HDAC4: variants seen among roughly 807,000 people sequenced by gnomAD.
HDAC4 encodes the protein histone deacetylase 4, also known as histone deacetylase A.
HDAC4 carries 16 observed loss-of-function variants against 135.1 expected under a neutral mutation model. That is an observed-to-expected ratio of 0.12 (90% CI 0.08 to 0.18). HDAC4 has a LOEUF of 0.18. Ranked by LOEUF, HDAC4 falls within the 10% of genes least tolerant of loss-of-function variation. HDAC4 has a pLI of 1.00. For synonymous variants in HDAC4, 685 were observed against 653.4 expected (o/e 1.05, Z -0.74); for missense variants, 1,143 against 1,511.8 (o/e 0.76, Z 4.05).
intron 2 of HDAC4, among the ~76,000 whole-genome samples, chr2:239,244,194 C>T (rs2048345391): frequency 6.6e-6 from 1 of 152,190 alleles, no homozygotes; most frequent in Non-Finnish European, 1.5e-5. Flanking sequence ...AAGAGCTTAG[C>T]CTTAAAGCAA....
At chr2:239,096,538 C>A (rs1575008922) in intron 16 of HDAC4, among the ~76,000 whole-genome samples, 1 of 105,322 alleles carries the variant, frequency 9.5e-6, no homozygotes, top group Non-Finnish European at 2.0e-5. Context: ...CAGTACCCCC[C>A]ACGGATGCCC....
chr2:239,169,103 A>G (rs962352476), intron 5 of HDAC4, among the ~76,000 whole-genome samples: 1 of 152,210 alleles, frequency 6.6e-6, no homozygotes, highest in Admixed American at 6.5e-5. Flanking sequence ...TGAGGAAGTA[A>G]TTTAGACCAA....
In HDAC4 at chr2:239,308,352, C is replaced by CAACA. The variant is rs1451180651; in HGVS notation, c.22+44322_22+44325dup. On this transcript the variant is annotated intron_variant, in intron 2 of 26. Coordinates refer to ENST00000543185, the MANE Select transcript of HDAC4 (RefSeq NM_001378414.1). The surrounding 1 kb of genome is among the most constrained non-coding windows in gnomAD (Gnocchi z 4.2). ...AGAGGATAACCTGCTTGGTACTCAG[C>CAACA]AACAGGCTTTCCTAATAAGAATTCC... Among the ~76,000 whole-genome samples, 1 of 152,170 alleles carries CAACA rather than the reference C, an allele frequency of 6.6e-6. No homozygotes were observed. Among genetic ancestry groups the CAACA allele is most frequent in the Non-Finnish European group, 1.5e-5 (1 of 68,018 alleles).
intron 22 of HDAC4, among the ~76,000 whole-genome samples, chr2:239,078,080 T>C (rs772561847): frequency 2.0e-5 from 3 of 152,178 alleles, no homozygotes; most frequent in Non-Finnish European, 2.9e-5. Flanking sequence ...AGAGTCCCCA[T>C]GTCCCCGCGC....
chr2:239,353,895 GTAATCACAGAATTTAATTC>G (rs1392057870), intron 1 of HDAC4, among the ~76,000 whole-genome samples: 1 of 152,194 alleles, frequency 6.6e-6, no homozygotes, highest in African/African-American at 2.4e-5. Flanking sequence ...CAATGTCTGT[GTAATCACAGAATTTAATTC>G]TAAAGTCCGC....
intron 24 of HDAC4, among the ~76,000 whole-genome samples, chr2:239,061,384 C>T (rs1011133439): frequency 6.9e-6 from 1 of 144,550 alleles, no homozygotes; most frequent in Non-Finnish European, 1.5e-5. Context: ...TGTGGGTGTG[C>T]GTGTGTGTGG....
intron 3 of HDAC4, among the ~76,000 whole-genome samples, chr2:239,203,962 C>T (rs557156682): frequency 6.6e-6 from 1 of 152,352 alleles, no homozygotes; most frequent in East Asian, 1.9e-4. Flanking sequence ...ATTTCCTCAG[C>T]GCCCTTCCCA....
chr2:239,381,194 G>A (rs1408773949), intron 1 of HDAC4, among the ~76,000 whole-genome samples: 3 of 152,164 alleles, frequency 2.0e-5, no homozygotes, highest in Non-Finnish European at 2.9e-5. Context: ...ATGAAAACAC[G>A]CAGTGAGCTG....
intron 9 of HDAC4, among the ~76,000 whole-genome samples, chr2:239,135,297 G>A (rs2040872553): frequency 6.6e-6 from 1 of 152,136 alleles, no homozygotes; most frequent in Non-Finnish European, 1.5e-5. Context: ...TCTACGAAAG[G>A]TGGGCAATGA....
intron 2 of HDAC4, among the ~76,000 whole-genome samples, chr2:239,348,078 G>A (rs939469920): frequency 7.2e-6 from 1 of 139,004 alleles, no homozygotes; most frequent in Non-Finnish European, 1.5e-5. Flanking sequence ...CCACAGACAC[G>A]TCCCAGCAAA....
intron 22 of HDAC4, among the ~76,000 whole-genome samples, chr2:239,079,190 G>T (rs2035054989): frequency 2.0e-5 from 3 of 152,242 alleles, no homozygotes; most frequent in African/African-American, 7.2e-5. Context: ...CTCATTTTCG[G>T]AAGTGGTACA....
intron 5 of HDAC4, among the ~76,000 whole-genome samples, chr2:239,166,454 T>C (rs1349761796): frequency 2.0e-5 from 3 of 152,146 alleles, no homozygotes; most frequent in African/African-American, 7.2e-5. Context: ...ATCACCTAAG[T>C]TGTGACTGCG....
chr2:239,236,035 G>A (rs537646785), intron 3 of HDAC4, among the ~76,000 whole-genome samples: 4 of 152,282 alleles, frequency 2.6e-5, no homozygotes, highest in Admixed American at 1.3e-4. Context: ...GTGAGATTCC[G>A]TCTCCAAATA....
At chr2:239,119,842 T>G (rs2039478048) in intron 12 of HDAC4, among the ~76,000 whole-genome samples, 1 of 152,142 alleles carries the variant, frequency 6.6e-6, no homozygotes, top group African/African-American at 2.4e-5. Context: ...GGCAGGGGAA[T>G]GCCTGCAGAG....
intron 1 of HDAC4, among the ~76,000 whole-genome samples, chr2:239,369,694 C>CA (rs1284284716): frequency 6.6e-6 from 1 of 152,176 alleles, no homozygotes; most frequent in Non-Finnish European, 1.5e-5. Context: ...AAGAAGTGTT[C>CA]AACACAGCGC....
intron 1 of HDAC4, among the ~76,000 whole-genome samples, chr2:239,355,022 A>G (rs1559381186): frequency 6.6e-6 from 1 of 152,128 alleles, no homozygotes; most frequent in Non-Finnish European, 1.5e-5. Context: ...GCTTCTTTCC[A>G]GGTAAAACTT....
chr2:239,186,521 C>A (rs539796245), intron 4 of HDAC4: 4 of 152,328 alleles, frequency 2.6e-5, no homozygotes, highest in Non-Finnish European at 5.9e-5. Context: ...AGAAAGGCAA[C>A]CTTGAACTTC....
intron 2 of HDAC4, among the ~76,000 whole-genome samples, chr2:239,242,485 C>T (rs2048245439): frequency 2.0e-5 from 3 of 152,212 alleles, no homozygotes; most frequent in Admixed American, 2.0e-4. Context: ...TATGGAAACA[C>T]AATTAATTTT....
intron 24 of HDAC4, among the ~76,000 whole-genome samples, chr2:239,061,266 G>A (rs989732122): frequency 1.3e-5 from 2 of 151,862 alleles, no homozygotes; most frequent in African/African-American, 2.4e-5. Flanking sequence ...GAGTATGCAC[G>A]TGCAGATGTG....
Sources: gnomAD v4.1 joint callset for allele counts (sites outside exome capture counted in the v4.1 genomes callset) on GRCh38, gnomAD v4.1.1 for gene constraint, Gnocchi (gnomAD v3.1) non-coding constraint, MANE v1.5 for transcripts, NCBI Gene and HGNC (gene_info 2026-07-23, HGNC 2026-07-21) for gene names.